Variants in CNGA1 observed in about 807,000 individuals in gnomAD.
The protein encoded by CNGA1 is cyclic nucleotide-gated channel alpha-1.
In CNGA1, 53 loss-of-function variants were observed where a neutral mutation model predicts 69.7. The ratio of observed to expected loss-of-function variants is 0.76; its 90% CI spans 0.61 to 0.96. The LOEUF is 0.96. CNGA1 is among the 40% of genes least tolerant of loss of function. The pLI is 0.00. For synonymous variants in CNGA1, 249 were observed against 283.5 expected (o/e 0.88, Z 1.22); for missense variants, 739 against 811.2 (o/e 0.91, Z 1.08).
chr4:48,012,227 TTAGA>T (rs1232862364), intron 1 of CNGA1, among the ~76,000 whole-genome samples: 1 of 152,162 alleles, frequency 6.6e-6, no homozygotes, highest in Non-Finnish European at 1.5e-5. Context: ...CCCAGACACC[TTAGA>T]TAGGAATTTG....
intron 3 of CNGA1, among the ~76,000 whole-genome samples, chr4:47,955,177 T>C (rs1210462497): frequency 3.8e-4 from 2 of 5,230 alleles, no homozygotes; most frequent in Admixed American, 2.4e-3. Context: ...TCTTTTCTTT[T>C]TTTTTTTTTT....
chr4:47,973,967 C>T (rs1370349046), intron 3 of CNGA1, among the ~76,000 whole-genome samples: 1 of 151,464 alleles, frequency 6.6e-6, no homozygotes, highest in African/African-American at 2.4e-5. Flanking sequence ...TTGAGGCGGG[C>T]GGATCTTTTG....
chr4:47,985,760 AC>A (rs146948485), intron 2 of CNGA1, among the ~76,000 whole-genome samples: 1 of 148,718 alleles, frequency 6.7e-6, no homozygotes, highest in East Asian at 2.0e-4. Context: ...ATCTTCCCCC[AC>A]CCCCCCAAAA....
intron 1 of CNGA1, among the ~76,000 whole-genome samples, chr4:48,014,383 A>AT (rs535949574): frequency 1.1e-3 from 161 of 151,326 alleles, no homozygotes; most frequent in African/African-American, 3.6e-3. Flanking sequence ...GAGTTTAAAT[A>AT]TTTTTTTTCT....
chr4:47,955,413 C>T (rs1740030458), intron 3 of CNGA1, among the ~76,000 whole-genome samples: 1 of 152,010 alleles, frequency 6.6e-6, no homozygotes, highest in Non-Finnish European at 1.5e-5. Context: ...CAACTCCTGA[C>T]CTCAGGTGAT....
At chr4:47,985,826 T>C (rs1463877321) in intron 2 of CNGA1, among the ~76,000 whole-genome samples, 2 of 152,142 alleles carry the variant, frequency 1.3e-5, no homozygotes, top group Non-Finnish European at 2.9e-5. Context: ...TCATGTGGAT[T>C]AGTTGTGTGG....
In CNGA1 at chr4:47,977,890, G is replaced by A. The variant is rs369771022; in HGVS notation, c.-15+3503C>T. On this transcript the variant is annotated intron_variant, in intron 3 of 10. Transcript: ENST00000514170. ...TGCCCAGGCTGGAGTGCAATGGCAC[G>A]ATCTCGGCTCACTGCAACCTCTGCC... 8.7e-4 allele frequency among the ~76,000 whole-genome samples: 131 copies of A among 151,204 alleles called. 3 individuals are homozygous for A. The South Asian group carries it at 0.025, about 29-fold the overall frequency.
intron 2 of CNGA1, among the ~76,000 whole-genome samples, chr4:47,988,092 C>CAGA (rs1431635455): frequency 6.6e-6 from 1 of 152,032 alleles, no homozygotes; most frequent in Non-Finnish European, 1.5e-5. Flanking sequence ...GAGAACGGGT[C>CAGA]AGATTCTTGA....
chr4:48,005,670 T>C (rs1166803084), intron 2 of CNGA1, among the ~76,000 whole-genome samples: 3 of 152,154 alleles, frequency 2.0e-5, no homozygotes, highest in Non-Finnish European at 2.9e-5. Flanking sequence ...CATTCTTTAC[T>C]TACCACAGGT....
intron 3 of CNGA1, among the ~76,000 whole-genome samples, chr4:47,977,787 T>G (rs185020567): frequency 6.6e-6 from 1 of 151,856 alleles, no homozygotes; most frequent in African/African-American, 2.4e-5. Context: ...AATAAAAAAG[T>G]ATACATCTAC....
rs1423621984 is a variant in CNGA1 at position 47,980,247 on chromosome 4, T to C, written c.-15+1146A>G. 1.4e-3 allele frequency among the ~76,000 whole-genome samples: 212 copies of C among 152,250 alleles called. 3 individuals carry two copies. The highest frequency in any genetic ancestry group is 1.5e-5 in the Non-Finnish European group (1 of 68,016). On this transcript the variant is annotated intron_variant, in intron 3 of 10. Transcript: ENST00000514170. ...GTAATTGAACAAACTGATTAAAGGA[T>C]ATATAAACAAAAAGTCAAAATGTAA...
chr4:47,958,739 T>G (rs866257004), intron 3 of CNGA1, among the ~76,000 whole-genome samples: 1 of 152,164 alleles, frequency 6.6e-6, no homozygotes, highest in South Asian at 2.1e-4. Context: ...ACATGGGTAC[T>G]GATACATCCA....
At chr4:48,013,660 C>T (rs970932679) in intron 1 of CNGA1, among the ~76,000 whole-genome samples, 2 of 152,192 alleles carry the variant, frequency 1.3e-5, no homozygotes, top group African/African-American at 4.8e-5. Flanking sequence ...TGGCCCTAAG[C>T]AGTTCCAAGC....
chr4:47,991,275 G>T (rs1043727564), intron 2 of CNGA1, among the ~76,000 whole-genome samples: 5 of 152,080 alleles, frequency 3.3e-5, no homozygotes, highest in African/African-American at 7.2e-5. Flanking sequence ...ATTCCCACCA[G>T]CAGTGTAGAA....
At position 48,015,035 on chromosome 4, in the gene CNGA1, G is replaced by A. The variant is rs140493338; in HGVS notation, c.-223+1448C>T. ...AAAAAAAAAATACAAAAAATTAGCC[G>A]GGCGTGGTGGGGGGCGCCTGTAGTC... On this transcript the variant is annotated intron_variant, in intron 1 of 10. Transcript: ENST00000514170. Among the ~76,000 whole-genome samples the A allele has an allele frequency of 9.6e-3, 1,454 of 152,042 alleles. 20 individuals are homozygous for A. Among genetic ancestry groups the A allele is most frequent in the African/African-American group, 0.033 (1,380 of 41,494 alleles).
At chr4:47,938,538 A>G (rs4695316) in intron 10 of CNGA1, among the ~76,000 whole-genome samples, 121,824 of 151,900 alleles carry the variant, frequency 0.8, 49,122 homozygotes, top group East Asian at 0.98. Flanking sequence ...GACTACAGGC[A>G]CGTGCCACCA....
chr4:47,952,616 T>G lies in CNGA1; in HGVS notation c.74A>C (p.Lys25Thr), dbSNP rs1379819494. 3.7e-6 allele frequency: 6 copies of G among 1,611,742 alleles called. No homozygotes were observed. The East Asian group carries it at 1.3e-4, about 36-fold the overall frequency. The change falls in exon 4 of 11, where the codon AAG becomes ACG. Residue 25 changes from lysine (K) to threonine (T), a missense_variant. Transcript: ENST00000514170. Reference sequence around the variant, plus strand: ...TCCATTTTCCATCCTTCGTATTTCCTTTTCAATATCTGGTACAATCACATT... The same window carrying G: ...TCCATTTTCCATCCTTCGTATTTCCGTTTCAATATCTGGTACAATCACATT... ...MPNVIVPDIE[K>T]EIRRMENGAC...
intron 3 of CNGA1, among the ~76,000 whole-genome samples, chr4:47,961,656 A>T (rs1297911363): frequency 6.6e-6 from 1 of 152,292 alleles, no homozygotes; most frequent in East Asian, 1.9e-4. Flanking sequence ...AGGTGACAGG[A>T]TCGCTTGAGC....
chr4:47,938,306 T>C (rs1455179554), intron 10 of CNGA1, among the ~76,000 whole-genome samples: 2 of 81,768 alleles, frequency 2.4e-5, no homozygotes, highest in East Asian at 1.1e-3. Context: ...ATTCTTGTGA[T>C]ATTGTGAGAT....
Sources: gnomAD v4.1 joint callset for allele counts (sites outside exome capture counted in the v4.1 genomes callset) on GRCh38, gnomAD v4.1.1 for gene constraint, MANE v1.5 for transcripts, NCBI Gene and HGNC (gene_info 2026-07-23, HGNC 2026-07-21) for gene names.